The following SLC26A11 variants were observed in gnomAD, a reference collection of about 807,000 sequenced individuals.
SLC26A11 encodes sodium-independent sulfate anion transporter.
SLC26A11 carries 58 observed loss-of-function variants against 62.2 expected under a neutral mutation model. The ratio of observed to expected loss-of-function variants is 0.93; its 90% CI spans 0.76 to 1.16. The LOEUF (loss-of-function observed/expected upper bound fraction) is 1.16, where lower values mean the gene tolerates loss of function less well. SLC26A11 is among the 50% of genes most tolerant of loss of function. SLC26A11 has a pLI of 0.00. For synonymous variants in SLC26A11, 411 were observed against 368.9 expected, an observed-to-expected ratio of 1.11 and a Z score of -1.31; for missense variants, 790 against 794.3, an observed-to-expected ratio of 0.99 and a Z score of 0.06.
chr17:80,248,248 T>C lies in SLC26A11; in HGVS notation c.1413T>C (p.Pro471=). Residue 471 remains proline, a synonymous_variant, in exon 14 of 18, where the codon CCT becomes CCC. Coordinates refer to ENST00000361193, the MANE Select transcript of SLC26A11 (RefSeq NM_001166347.2). The stretch of plus-strand genomic sequence containing the variant: ...TGCTCCTGCACTCTGCAGCCAGGCC[T>C]GAGACCAAGGTACCCCTCCGTGGCC... ...LLMLLHSAAR[P]ETKVSEGPVL... 6.2e-7 allele frequency: 1 copy of C among 1,608,612 alleles called. No homozygotes were observed. Among genetic ancestry groups the C allele is most frequent in the Non-Finnish European group, 8.5e-7 (1 of 1,178,924 alleles).
At chr17:80,233,010 G>A (rs1598809976) in intron 7 of SLC26A11, among the ~76,000 whole-genome samples, 2 of 152,146 alleles carry the variant, frequency 1.3e-5, no homozygotes, top group Non-Finnish European at 2.9e-5. Context: ...CACTTTGGGA[G>A]GCTGAGGGAG....
intron 9 of SLC26A11, among the ~76,000 whole-genome samples, chr17:80,240,646 T>C (rs978851478): frequency 1.3e-5 from 2 of 150,886 alleles, no homozygotes; most frequent in African/African-American, 4.9e-5. Flanking sequence ...CTACTAAAAA[T>C]GCAAAAATTA....
intron 5 of SLC26A11, among the ~76,000 whole-genome samples, chr17:80,224,658 G>A (rs1399215322): frequency 6.6e-6 from 1 of 152,148 alleles, no homozygotes; most frequent in Non-Finnish European, 1.5e-5. Flanking sequence ...GCATCTCTCA[G>A]GGTTAGCTTG....
At chr17:80,248,447 C>A in intron 14 of SLC26A11, 128 bp from the exon 15 acceptor site, 1 of 1,245,840 alleles carries the variant, frequency 8.0e-7, no homozygotes, top group Non-Finnish European at 1.1e-6. Flanking sequence ...TGGGGGTCTC[C>A]CCTTAGCACC....
rs1284801210 is a variant in SLC26A11, at chr17:80,221,689, C to T, written c.129C>T (p.Tyr43=). ...CCATCCTGGCGTGGCTGCCCAGCTA[C>T]TCCCTGCAGTGGCTGAAGATGGATT... The part of the protein sequence containing the change: ...RLPILAWLPS[Y]SLQWLKMDFV... The change falls in exon 3 of 18, where the codon TAC becomes TAT. Residue 43 remains tyrosine (Y), a synonymous_variant. Transcript: ENST00000361193. The T allele has an allele frequency of 1.2e-6, 2 of 1,613,622 alleles. No homozygotes were observed. The highest frequency in any genetic ancestry group is 2.2e-5 in the East Asian group (1 of 44,892).
rs2042252727 is a variant in SLC26A11 at position 80,222,595 on chromosome 17, C to T, written c.235-60C>T. Reference sequence around the variant, plus strand: ...CACATCCCGAGCTTGGACACGCACACTAGGGAGCTGGTGGATGGGCCTCGG... The same window carrying T: ...CACATCCCGAGCTTGGACACGCACATTAGGGAGCTGGTGGATGGGCCTCGG... On this transcript the variant is annotated intron_variant, in intron 3 of 17. Transcript: ENST00000361193. The surrounding 1 kb of genome is among the most constrained non-coding windows in gnomAD (Gnocchi z 4.7). 2 of 1,547,188 alleles carry T rather than the reference C, an allele frequency of 1.3e-6. No homozygotes were observed. The highest frequency in any genetic ancestry group is 1.8e-6 in the Non-Finnish European group (2 of 1,130,820).
chr17:80,230,020 C>T (rs111747203), intron 7 of SLC26A11, among the ~76,000 whole-genome samples: 9,381 of 151,932 alleles, frequency 0.062, 359 homozygotes, highest in Middle Eastern at 0.13. Flanking sequence ...CTTGGCCAAA[C>T]CCCGTCTCTA....
intron 7 of SLC26A11, among the ~76,000 whole-genome samples, chr17:80,236,445 G>A (rs113638963): frequency 5.3e-4 from 80 of 152,238 alleles, no homozygotes; most frequent in African/African-American, 1.8e-3. Context: ...CGGGGAAACC[G>A]TAGGCAGCCG....
chr17:80,248,100 G>T, intron 13 of SLC26A11, 30 bp from the exon 14 acceptor site: 1 of 1,580,272 alleles, frequency 6.3e-7, no homozygotes, highest in Non-Finnish European at 8.6e-7. Flanking sequence ...GGCAGCTGCC[G>T]GGCATTCCTC....
intron 9 of SLC26A11, among the ~76,000 whole-genome samples, chr17:80,241,102 A>G (rs1266208165): frequency 6.6e-6 from 1 of 152,176 alleles, no homozygotes; most frequent in African/African-American, 2.4e-5. Context: ...AAGATCCTGT[A>G]CTATCTGTTT....
At position 80,241,913 on chromosome 17, in the gene SLC26A11, C is replaced by T. The variant is rs557480426; in HGVS notation, c.1036+92C>T. On this transcript the variant is annotated intron_variant, in intron 10 of 17. Transcript: ENST00000361193. Reference sequence around the variant, plus strand: ...TGTGTCTCCTGCATTGTAGGAAGACCATGATGGTGGTGATGAACTGGGAGG... The same window carrying T: ...TGTGTCTCCTGCATTGTAGGAAGACTATGATGGTGGTGATGAACTGGGAGG... The T allele has an allele frequency of 7.4e-5, 103 of 1,385,180 alleles. 1 individual carries two copies. The African/African-American group carries it at 1.0e-3, about 14-fold the overall frequency. The allele number at this position is 1,385,180 out of a possible 1,614,324, so 85.8% of individuals were successfully genotyped here.
rs1387004516 is a variant in SLC26A11 at position 80,228,551 on chromosome 17, T to A, written c.736+591T>A. Reference sequence around the variant, plus strand: ...CTCAACCTGAAGCAGTTTTGCCCCCTGGTGACACGTGGCAATGTTGGGAAA... The same window carrying A: ...CTCAACCTGAAGCAGTTTTGCCCCCAGGTGACACGTGGCAATGTTGGGAAA... On this transcript the variant is annotated intron_variant, in intron 7 of 17. Transcript: ENST00000361193. The surrounding 1 kb of genome is among the most constrained non-coding windows in gnomAD (Gnocchi z 4.1). Among the ~76,000 whole-genome samples, 2 of 152,200 alleles carry A rather than the reference T, an allele frequency of 1.3e-5. No individual in the cohort carries two copies. The highest frequency in any genetic ancestry group is 4.8e-5 in the African/African-American group (2 of 41,444).
rs150834163 is a variant in SLC26A11, at chr17:80,249,231, G to A, written c.1600G>A (p.Glu534Lys). ...CTACACTGTGGTGCTGGGACTCGGC[G>A]AGCTCCTCCAGGACTTCCAGAAGCA... Reference protein sequence around the residue: ...IDYTVVLGLGELLQDFQKQGV... With the variant: ...IDYTVVLGLGKLLQDFQKQGV... Residue 534 changes from glutamate (E) to lysine (K), a missense_variant, in exon 16 of 18, where the codon GAG (glutamate) becomes AAG (lysine). Transcript: ENST00000361193. 5.4e-4 allele frequency: 870 copies of A among 1,611,550 alleles called. 1 individual carries two copies. The highest frequency in any genetic ancestry group is 1.5e-3 in the Middle Eastern group (8 of 5,244).
At chr17:80,241,842 A>G (rs1209960699) in intron 10 of SLC26A11, 21 bp downstream of exon 10, 1 of 1,614,164 alleles carries the variant, frequency 6.2e-7, no homozygotes, top group Non-Finnish European at 8.5e-7. Context: ...AGCCGCGGGA[A>G]GGAAGACACC....
At chr17:80,225,076 T>A (rs932641776) in intron 5 of SLC26A11, among the ~76,000 whole-genome samples, 1 of 152,050 alleles carries the variant, frequency 6.6e-6, no homozygotes, top group Non-Finnish European at 1.5e-5. Context: ...GTGCCTGCAC[T>A]GTGGATCCCA....
At position 80,245,369 on chromosome 17, in the gene SLC26A11, C is replaced by T. The variant is rs1375376041; in HGVS notation, c.1097+113C>T. ...GGCGCCCCGTCCTCCACTGTGAACG[C>T]TCCGTGGAGAGGCAGGGCTGGGGGT... On this transcript the variant is annotated intron_variant, in intron 11 of 17. Coordinates refer to ENST00000361193, the MANE Select transcript of SLC26A11 (RefSeq NM_001166347.2). 5 of 1,036,366 alleles carry T rather than the reference C, an allele frequency of 4.8e-6. No homozygotes were observed. In the African/African-American group the frequency reaches 6.2e-5, roughly 13 times the overall value. 64.2% of individuals were successfully genotyped at this position (1,036,366 alleles called of 1,614,324 possible). A position where few individuals can be genotyped will look rare whatever the true frequency, so the allele number is the denominator to read the frequency against.
intron 8 of SLC26A11, 54 bp from the exon 9 acceptor site, chr17:80,237,468 T>C: frequency 6.5e-7 from 1 of 1,537,386 alleles, no homozygotes; most frequent in African/African-American, 1.4e-5. Context: ...CATGGGTCAC[T>C]GCTGGGTCCT....
intron 7 of SLC26A11, among the ~76,000 whole-genome samples, chr17:80,233,390 A>G (rs1460507165): frequency 2.0e-5 from 3 of 152,130 alleles, no homozygotes; most frequent in African/African-American, 7.2e-5. Flanking sequence ...TCAGCCAACC[A>G]AAGTGCTGAG....
intron 7 of SLC26A11, among the ~76,000 whole-genome samples, chr17:80,231,376 C>T (rs1459862023): frequency 1.3e-5 from 2 of 151,620 alleles, no homozygotes; most frequent in African/African-American, 4.8e-5. Flanking sequence ...GTTGGCCAGG[C>T]TGGTCTCGAA....
Sources: allele counts gnomAD v4.1 joint callset (sites outside exome capture counted in the v4.1 genomes callset), GRCh38; gene constraint gnomAD v4.1.1; non-coding constraint Gnocchi (gnomAD v3.1); transcripts MANE v1.5; gene names NCBI Gene and HGNC (gene_info 2026-07-23, HGNC 2026-07-21).